Variants in PPARGC1A observed in about 807,000 individuals in gnomAD.
PPARGC1A encodes PPARG coactivator 1 alpha, also known as peroxisome proliferator-activated receptor gamma coactivator 1-alpha.
Under a neutral mutation model 88.7 loss-of-function variants are expected in PPARGC1A, and 25 were observed. The observed-to-expected ratio is 0.28, with a 90% confidence interval of 0.21 to 0.39. The LOEUF (loss-of-function observed/expected upper bound fraction) is 0.39, where lower values mean the gene tolerates loss of function less well. Ranked by LOEUF, PPARGC1A falls within the 10% of genes least tolerant of loss-of-function variation. The pLI, the probability that PPARGC1A is intolerant of heterozygous loss-of-function variation, is 1.00. For synonymous variants in PPARGC1A, 363 were observed against 355.6 expected (o/e 1.02, Z -0.24); for missense variants, 880 against 968.7 (o/e 0.91, Z 1.22).
chr4:24,118,173 A>G, the PPARGC1A span, among the ~76,000 whole-genome samples: 3 of 152,150 alleles, frequency 2.0e-5, no homozygotes, highest in African/African-American at 7.2e-5. Context: ...CATCCCAGCC[A>G]TAACGTGCGG....
chr4:23,805,216 G>C (rs1719577706), intron 10 of PPARGC1A, among the ~76,000 whole-genome samples: 1 of 151,220 alleles, frequency 6.6e-6, no homozygotes, highest in South Asian at 2.1e-4. Flanking sequence ...AGTTAGATTT[G>C]GTGTTTTATC....
chr4:24,120,112 A>G, the PPARGC1A span, among the ~76,000 whole-genome samples: 1 of 152,208 alleles, frequency 6.6e-6, no homozygotes, highest in African/African-American at 2.4e-5. Context: ...ATATTTGCAT[A>G]AATCTCTTTT....
intron 11 of PPARGC1A, 60 bp from the exon 12 acceptor site, chr4:23,801,941 AC>A: frequency 6.3e-7 from 1 of 1,584,938 alleles, no homozygotes; most frequent in Non-Finnish European, 8.6e-7. Flanking sequence ...TGGGACTGTA[AC>A]CCTTTCTACT....
intron 7 of PPARGC1A, among the ~76,000 whole-genome samples, chr4:23,815,879 A>C (rs1008657839): frequency 6.6e-6 from 1 of 152,174 alleles, no homozygotes; most frequent in Non-Finnish European, 1.5e-5. Context: ...CAAGGAAAAA[A>C]ATGCTACCTT....
chr4:24,249,363 A>G, the PPARGC1A span, among the ~76,000 whole-genome samples: 2 of 152,012 alleles, frequency 1.3e-5, no homozygotes, highest in African/African-American at 4.8e-5. Flanking sequence ...AACCAATCCA[A>G]TTTTCTGGTC....
chr4:24,310,762 C>T, the PPARGC1A span, among the ~76,000 whole-genome samples: 2 of 152,144 alleles, frequency 1.3e-5, no homozygotes, highest in East Asian at 3.9e-4. Flanking sequence ...AGAATCTCTA[C>T]AACATAAAAT....
chr4:24,072,262 T>G, the PPARGC1A span, among the ~76,000 whole-genome samples: 2 of 151,224 alleles, frequency 1.3e-5, no homozygotes, highest in African/African-American at 2.4e-5. Context: ...TACTCCCATT[T>G]AAATGTTATT....
intron 2 of PPARGC1A, among the ~76,000 whole-genome samples, chr4:23,833,731 T>C (rs59102352): frequency 7.4e-4 from 113 of 152,380 alleles, no homozygotes; most frequent in African/African-American, 2.3e-3. Context: ...ACTAAGGACT[T>C]CTTTTGGATT....
chr4:24,156,240 G>C, the PPARGC1A span, among the ~76,000 whole-genome samples: 3 of 152,096 alleles, frequency 2.0e-5, no homozygotes, highest in African/African-American at 7.2e-5. Flanking sequence ...CAGTGTTTAA[G>C]TTCTATTTAA....
chr4:24,306,834 G>A, the PPARGC1A span, among the ~76,000 whole-genome samples: 1 of 152,060 alleles, frequency 6.6e-6, no homozygotes, highest in Non-Finnish European at 1.5e-5. Context: ...GCTAAATATT[G>A]GCCACAAAAC....
At chr4:24,437,882 G>A in the PPARGC1A span, among the ~76,000 whole-genome samples, 15,416 of 151,882 alleles carry the variant, frequency 0.1, 883 homozygotes, top group Middle Eastern at 0.16. Context: ...TCACCATGTT[G>A]GCCAGGCTGG....
At chr4:23,853,866 G>C (rs1049480807) in intron 2 of PPARGC1A, among the ~76,000 whole-genome samples, 5 of 152,182 alleles carry the variant, frequency 3.3e-5, no homozygotes, top group Non-Finnish European at 7.3e-5. Flanking sequence ...CAGTCAGACT[G>C]CCTGGGCATG....
At chr4:24,140,765 A>G in the PPARGC1A span, among the ~76,000 whole-genome samples, 1 of 152,180 alleles carries the variant, frequency 6.6e-6, no homozygotes, top group African/African-American at 2.4e-5. Flanking sequence ...TTATCCTCAG[A>G]AGATTCATTC....
At chr4:24,256,332 G>A in the PPARGC1A span, among the ~76,000 whole-genome samples, 23 of 152,282 alleles carry the variant, frequency 1.5e-4, no homozygotes, top group African/African-American at 5.1e-4. Flanking sequence ...ATGTCAACAA[G>A]TCTGCCTTCA....
At chr4:24,425,769 C>T in the PPARGC1A span, among the ~76,000 whole-genome samples, 4 of 152,202 alleles carry the variant, frequency 2.6e-5, no homozygotes, top group Admixed American at 6.5e-5. Context: ...ATTCATATCA[C>T]TTCTGCACTT....
At chr4:24,350,998 G>T in the PPARGC1A span, among the ~76,000 whole-genome samples, 1 of 151,902 alleles carries the variant, frequency 6.6e-6, no homozygotes, top group South Asian at 2.1e-4. Context: ...TTAATTACCT[G>T]GGGGGTGGAT....
the PPARGC1A span, among the ~76,000 whole-genome samples, chr4:24,403,901 G>A: frequency 5.4e-4 from 82 of 152,046 alleles, 1 homozygote; most frequent in Non-Finnish European, 9.8e-4. Context: ...CACAAAATCA[G>A]GAAATTAAGG....
the PPARGC1A span, among the ~76,000 whole-genome samples, chr4:24,127,793 G>A: frequency 2.6e-5 from 4 of 151,632 alleles, no homozygotes; most frequent in African/African-American, 4.9e-5. Context: ...ACATAAACAC[G>A]GCTAGTACAT....
chr4:23,828,021 A>AT (rs910244607), intron 5 of PPARGC1A, among the ~76,000 whole-genome samples: 2 of 152,116 alleles, frequency 1.3e-5, no homozygotes, highest in African/African-American at 4.8e-5. Context: ...CTGGTGCCTC[A>AT]TTTTTTCCAT....
Sources: gnomAD v4.1 joint callset for allele counts (sites outside exome capture counted in the v4.1 genomes callset) on GRCh38, gnomAD v4.1.1 for gene constraint, MANE v1.5 for transcripts, NCBI Gene and HGNC (gene_info 2026-07-23, HGNC 2026-07-21) for gene names.